The following DENND1A variants were observed in gnomAD, a reference collection of about 807,000 sequenced individuals.
The protein encoded by DENND1A is DENN domain containing 1A.
A neutral mutation model predicts 113.7 loss-of-function variants in DENND1A; 51 were observed. That is an observed-to-expected ratio of 0.45 (90% CI 0.36 to 0.57). The LOEUF is 0.57. Among genes scored for constraint, DENND1A ranks in the 20% least tolerant of loss-of-function variants. DENND1A has a pLI of 0.00. For missense variants in DENND1A, 1,258 were observed against 1,395.9 expected, an observed-to-expected ratio of 0.90 and a Z score of 1.57; for synonymous variants, 565 against 570.8, an observed-to-expected ratio of 0.99 and a Z score of 0.14.
At chr9:123,697,845 T>C (rs1481584857) in intron 5 of DENND1A, among the ~76,000 whole-genome samples, 3 of 152,222 alleles carry the variant, frequency 2.0e-5, no homozygotes, top group Non-Finnish European at 4.4e-5. Context: ...ACACTAATGG[T>C]ACATAAGCCT....
chr9:123,686,045 G>A (rs1440079257), intron 5 of DENND1A, among the ~76,000 whole-genome samples: 8 of 151,228 alleles, frequency 5.3e-5, no homozygotes, highest in African/African-American at 9.7e-5. Flanking sequence ...ATGAGGATCC[G>A]TGTCCTACTT....
intron 13 of DENND1A, among the ~76,000 whole-genome samples, chr9:123,509,288 G>A (rs1368706221): frequency 6.6e-6 from 1 of 152,230 alleles, no homozygotes; most frequent in African/African-American, 2.4e-5. Flanking sequence ...CTCACCAACA[G>A]AAAGCACGAG....
chr9:123,461,690 G>A (rs571219537), intron 13 of DENND1A, among the ~76,000 whole-genome samples: 1 of 152,316 alleles, frequency 6.6e-6, no homozygotes, highest in African/African-American at 2.4e-5. Flanking sequence ...AAAGAATCTC[G>A]CCTTTGGGGA....
chr9:123,556,826 G>A (rs1443755302), intron 13 of DENND1A, among the ~76,000 whole-genome samples: 1 of 152,250 alleles, frequency 6.6e-6, no homozygotes, highest in Non-Finnish European at 1.5e-5. Flanking sequence ...AGGCCGAGGA[G>A]AGAAACAGCA....
intron 4 of DENND1A, among the ~76,000 whole-genome samples, chr9:123,768,637 C>T (rs906872430): frequency 4.0e-5 from 6 of 151,828 alleles, no homozygotes; most frequent in Non-Finnish European, 5.9e-5. Context: ...TTTCATAGTT[C>T]AAATTTCCAT....
At chr9:123,548,957 G>C (rs1474854578) in intron 13 of DENND1A, among the ~76,000 whole-genome samples, 2 of 152,226 alleles carry the variant, frequency 1.3e-5, no homozygotes, top group African/African-American at 2.4e-5. Context: ...GGTTCTGTTG[G>C]GAGTGATGAA....
At chr9:123,862,698 C>T (rs1427535707) in intron 2 of DENND1A, among the ~76,000 whole-genome samples, 3 of 152,172 alleles carry the variant, frequency 2.0e-5, no homozygotes. Context: ...CTCTGTTCCT[C>T]TACCTTCCTT....
At chr9:123,704,347 T>C (rs1366369796) in intron 5 of DENND1A, among the ~76,000 whole-genome samples, 2 of 152,178 alleles carry the variant, frequency 1.3e-5, no homozygotes, top group African/African-American at 4.8e-5. Flanking sequence ...GCTACATCTT[T>C]AGTGTAAGGA....
chr9:123,617,364 T>C (rs980872736), intron 10 of DENND1A, among the ~76,000 whole-genome samples: 2 of 152,112 alleles, frequency 1.3e-5, no homozygotes, highest in Non-Finnish European at 2.9e-5. Context: ...TGATGTCCAG[T>C]GGGCACTGGA....
chr9:123,642,394 G>A (rs1315322748), intron 9 of DENND1A, among the ~76,000 whole-genome samples: 5 of 152,196 alleles, frequency 3.3e-5, no homozygotes, highest in Admixed American at 1.3e-4. Flanking sequence ...TGTGCTGCTT[G>A]GAAGTTTGGC....
chr9:123,731,242 A>G (rs2068146462), intron 5 of DENND1A, among the ~76,000 whole-genome samples: 1 of 152,226 alleles, frequency 6.6e-6, no homozygotes, highest in Non-Finnish European at 1.5e-5. Context: ...GTATCCCAGA[A>G]CTTAAAGTAT....
intron 5 of DENND1A, among the ~76,000 whole-genome samples, chr9:123,742,059 G>A (rs1376189772): frequency 6.6e-6 from 1 of 152,198 alleles, no homozygotes; most frequent in Non-Finnish European, 1.5e-5. Flanking sequence ...AGTCTCCTCT[G>A]CACATACATA....
intron 10 of DENND1A, among the ~76,000 whole-genome samples, chr9:123,630,084 G>T (rs1032053232): frequency 1.3e-5 from 2 of 151,800 alleles, no homozygotes; most frequent in East Asian, 1.9e-4. Flanking sequence ...TCTGTTGCCC[G>T]GGATGGAGTG....
At chr9:123,580,873 C>A (rs552843404) in intron 12 of DENND1A, among the ~76,000 whole-genome samples, 1 of 152,100 alleles carries the variant, frequency 6.6e-6, no homozygotes. Context: ...CAGAGGGAGG[C>A]GGGATACATA....
At chr9:123,663,059 C>A (rs980258735) in intron 8 of DENND1A, among the ~76,000 whole-genome samples, 6 of 152,140 alleles carry the variant, frequency 3.9e-5, no homozygotes, top group Admixed American at 1.3e-4. Flanking sequence ...TTGAAAATTG[C>A]TGGTTTTCAT....
At chr9:123,696,559 A>G (rs184535803) in intron 5 of DENND1A, among the ~76,000 whole-genome samples, 1 of 152,314 alleles carries the variant, frequency 6.6e-6, no homozygotes, top group African/African-American at 2.4e-5. Flanking sequence ...GGAGAGAAAA[A>G]GCTAAAGCAA....
At chr9:123,863,363 T>A (rs1375417127) in intron 2 of DENND1A, among the ~76,000 whole-genome samples, 1 of 152,158 alleles carries the variant, frequency 6.6e-6, no homozygotes, top group African/African-American at 2.4e-5. Context: ...AATGATAAAC[T>A]CCCTCAGAGT....
intron 2 of DENND1A, among the ~76,000 whole-genome samples, chr9:123,793,321 G>C (rs898740662): frequency 6.6e-6 from 1 of 152,082 alleles, no homozygotes; most frequent in East Asian, 1.9e-4. Context: ...AGTTACTAAA[G>C]GGATCACTTT....
At chr9:123,419,381 G>T (rs2045037093) in intron 19 of DENND1A, among the ~76,000 whole-genome samples, 1 of 152,276 alleles carries the variant, frequency 6.6e-6, no homozygotes, top group African/African-American at 2.4e-5. Flanking sequence ...GGCCCCAGAG[G>T]GGGAAGCTGG....
Sources: allele counts gnomAD v4.1 joint callset (sites outside exome capture counted in the v4.1 genomes callset), GRCh38; gene constraint gnomAD v4.1.1; transcripts MANE v1.5; gene names NCBI Gene and HGNC (gene_info 2026-07-23, HGNC 2026-07-21).